NOTCH3: variants seen among roughly 807,000 people sequenced by gnomAD.
NOTCH3 encodes the protein notch receptor 3, also known as neurogenic locus notch homolog protein 3.
Under a neutral mutation model 213.3 loss-of-function variants are expected in NOTCH3, and 86 were observed. The observed-to-expected ratio is 0.40, with a 90% CI of 0.34 to 0.48. The LOEUF (loss-of-function observed/expected upper bound fraction) is 0.48. Ranked by LOEUF, NOTCH3 falls within the 20% of genes least tolerant of loss-of-function variation. NOTCH3 has a pLI of 0.57. For missense variants in NOTCH3, 2,783 were observed against 3,272.6 expected, an observed-to-expected ratio of 0.85 and a Z score of 3.65; for synonymous variants, 1,354 against 1,355.9, an observed-to-expected ratio of 1.00 and a Z score of 0.03.
Position 15,189,357 on chromosome 19 carries a change from G to T in NOTCH3, c.1108C>A (p.Pro370Thr). 6.2e-7 allele frequency: 1 copy of T among 1,614,014 alleles called. No individual in the cohort carries two copies. Among genetic ancestry groups the T allele is most frequent in the Non-Finnish European group, 8.5e-7 (1 of 1,180,034 alleles). Residue 370 changes from proline (P) to threonine (T), a missense_variant, in exon 7 of 33, where the codon CCG (proline) becomes ACG (threonine). Pro to Thr is a conservative substitution (Grantham distance 38). Coordinates refer to ENST00000263388, the MANE Select transcript of NOTCH3 (RefSeq NM_000435.3). ...GTGCAAATGGCCCGGCCGTTCACCG[G>T]ATTTGTGTCACAGATAGCATCCTCG... is the stretch of plus-strand genomic sequence containing the variant. ...CHEDAICDTNPVNGRAICTCP... is the reference protein window; with the variant it reads ...CHEDAICDTNTVNGRAICTCP...
intron 23 of NOTCH3, 42 bp from the exon 24 acceptor site, chr19:15,178,132 G>T (rs966384821): frequency 8.1e-7 from 1 of 1,236,588 alleles, no homozygotes; most frequent in Non-Finnish European, 1.1e-6. Context: ...AAATGAGGGT[G>T]GGGAGTGGAG....
At position 15,161,240 on chromosome 19, in the gene NOTCH3, C is replaced by T. The variant is rs764478092; in HGVS notation, c.6388G>A (p.Ala2130Thr). Residue 2130 changes from alanine (A) to threonine (T), a missense_variant, in exon 33 of 33, where the codon GCC becomes ACC. Physicochemically the swap from Ala to Thr is moderately conservative, Grantham distance 58 (BLOSUM62 0). Around this residue, in one of 6 missense-constraint regions of NOTCH3, gnomAD observed 441 missense variants for 432.1 expected, o/e 1.02. Coordinates refer to ENST00000263388, the MANE Select transcript of NOTCH3 (RefSeq NM_000435.3). ...GCCAGAGACACTGCAGTGGCAGTGGCAGCTGCATAGGGCCCCTCAAGGGGG... is the reference window on the plus strand; with the variant it reads ...GCCAGAGACACTGCAGTGGCAGTGGTAGCTGCATAGGGCCCCTCAAGGGGG... The part of the protein sequence containing the change: ...GFPLEGPYAA[A>T]TATAVSLAQL... 1.3e-6 allele frequency: 2 copies of T among 1,548,994 alleles called. No homozygotes were observed. Among genetic ancestry groups the T allele is most frequent in the South Asian group, 2.4e-5 (2 of 84,430 alleles).
At position 15,161,168 on chromosome 19, in the gene NOTCH3, C is replaced by G; in HGVS notation, c.6460G>C (p.Gly2154Arg). ...GRAGLGRQPP[G>R]GCVLSLGLLN... Reference sequence around the variant, plus strand: ...AGGCCCAGGCTGAGTACACATCCTCCAGGGGGCTGGCGCCCTAGACCCGCC... The same window carrying G: ...AGGCCCAGGCTGAGTACACATCCTCGAGGGGGCTGGCGCCCTAGACCCGCC... Residue 2154 changes from glycine to arginine, a missense_variant, in exon 33 of 33, where the codon GGA becomes CGA. Around this residue, in one of 6 missense-constraint regions of NOTCH3, gnomAD observed 441 missense variants for 432.1 expected, o/e 1.02. Transcript: ENST00000263388. 1 of 1,539,332 alleles carries G rather than the reference C, an allele frequency of 6.5e-7. No homozygotes were observed. The highest frequency in any genetic ancestry group is 8.7e-7 in the Non-Finnish European group (1 of 1,148,732).
chr19:15,193,792 A>AAAAC (rs1568362688), intron 2 of NOTCH3, among the ~76,000 whole-genome samples: 6 of 138,214 alleles, frequency 4.3e-5, no homozygotes, highest in African/African-American at 1.6e-4. Flanking sequence ...AAAAACAAAA[A>AAAAC]AAACAAACAG....
At chr19:15,172,126 C>T (rs975425329) in intron 25 of NOTCH3, among the ~76,000 whole-genome samples, 2 of 152,090 alleles carry the variant, frequency 1.3e-5, no homozygotes, top group Admixed American at 6.5e-5. Context: ...GAACTCCCGA[C>T]CTCAGGTGAT....
In NOTCH3 at chr19:15,159,944, A is replaced by C; in HGVS notation, c.*718T>G. 1 of 230,552 alleles carries C rather than the reference A, an allele frequency of 4.3e-6. No individual in the cohort carries two copies. Among genetic ancestry groups the C allele is most frequent in the Non-Finnish European group, 8.6e-6 (1 of 116,012 alleles). The allele number at this position is 230,552 out of a possible 1,614,324, so 14.3% of individuals were successfully genotyped here. A position where few individuals can be genotyped will look rare whatever the true frequency, so the allele number is the denominator to read the frequency against. On this transcript the variant is annotated 3_prime_UTR_variant, in exon 33 of 33. Coordinates refer to ENST00000263388, the MANE Select transcript of NOTCH3 (RefSeq NM_000435.3). Reference sequence around the variant, plus strand: ...AGATGGCCAAGGGTGGGGCTGGGGCAGAGGGAGTTGGCAGTGGGCCCTTCC... The same window carrying C: ...AGATGGCCAAGGGTGGGGCTGGGGCCGAGGGAGTTGGCAGTGGGCCCTTCC...
In NOTCH3 at chr19:15,181,169, C is replaced by G. The variant is rs1555728020; in HGVS notation, c.2793-7G>C. ...CCCGCCATTGAAGCAGGAGCTGGAG[C>G]GGAAGGAGTGGGAGGGAGGATCAGG... is the stretch of plus-strand genomic sequence containing the variant. On this transcript the variant is annotated splice_region_variant and splice_polypyrimidine_tract_variant and intron_variant, in intron 17 of 32. Coordinates refer to ENST00000263388, the MANE Select transcript of NOTCH3 (RefSeq NM_000435.3). 4 of 1,609,808 alleles carry G rather than the reference C, an allele frequency of 2.5e-6. No individual in the cohort carries two copies. The South Asian group carries it at 3.3e-5, about 13-fold the overall frequency.
At chr19:15,184,828 G>T in intron 15 of NOTCH3, 78 bp downstream of exon 15, 1 of 865,488 alleles carries the variant, frequency 1.2e-6, no homozygotes, top group Non-Finnish European at 1.9e-6. Context: ...GTCCCTCTCT[G>T]GATCCCCAGC....
intron 28 of NOTCH3, among the ~76,000 whole-genome samples, chr19:15,169,282 C>G (rs184823283): frequency 1.3e-3 from 192 of 152,042 alleles, no homozygotes; most frequent in Non-Finnish European, 2.0e-3. Context: ...GAGAAGGCGG[C>G]CATCTGCACA....
intron 24 of NOTCH3, among the ~76,000 whole-genome samples, chr19:15,176,976 G>A: frequency 6.6e-6 from 1 of 151,212 alleles, no homozygotes; most frequent in East Asian, 1.9e-4. Context: ...GAAGGCTGAG[G>A]CAGGAGAATC....
At chr19:15,180,921 A>G in intron 18 of NOTCH3, 40 bp downstream of exon 18, 1 of 1,583,978 alleles carries the variant, frequency 6.3e-7, no homozygotes, top group Non-Finnish European at 8.6e-7. Context: ...CTAGGATCCC[A>G]GGCAGGCTCC....
At chr19:15,167,562 A>ATTTT in intron 28 of NOTCH3, 151 bp from the exon 29 acceptor site, 1 of 706,018 alleles carries the variant, frequency 1.4e-6, no homozygotes, top group South Asian at 1.7e-5. Flanking sequence ...TTGGTGTTTT[A>ATTTT]TTTGTTTTTG....
chr19:15,178,775 A>G (rs1327111633), intron 23 of NOTCH3, 48 bp downstream of exon 23: 1 of 1,351,394 alleles, frequency 7.4e-7, no homozygotes, highest in East Asian at 2.4e-5. Flanking sequence ...CTACTACTCC[A>G]GAGGCCACGC....
At chr19:15,188,424 C>CCTT in intron 8 of NOTCH3, 76 bp from the exon 9 acceptor site, 1 of 905,986 alleles carries the variant, frequency 1.1e-6, no homozygotes, top group Non-Finnish European at 1.8e-6. Flanking sequence ...GGAGGTACTT[C>CCTT]CCTTCCTACT....
chr19:15,185,805 C>T lies in NOTCH3; in HGVS notation c.1952-126G>A, dbSNP rs2046877292. 1 of 914,868 alleles carries T rather than the reference C, an allele frequency of 1.1e-6. No homozygotes were observed. The highest frequency in any genetic ancestry group is 1.7e-6 in the Non-Finnish European group (1 of 578,852). The allele number at this position is 914,868 out of a possible 1,614,324, so 56.7% of individuals were successfully genotyped here. ...TGACCTCTTTTTCATAACGCATCAG[C>T]TCTTGTGCAGATTAGGACACCCGCC... On this transcript the variant is annotated intron_variant, in intron 12 of 32. Transcript: ENST00000263388. The surrounding 1 kb of genome is among the most constrained non-coding windows in gnomAD (Gnocchi z 4.2).
chr19:15,175,784 T>G (rs369844841), intron 24 of NOTCH3, among the ~76,000 whole-genome samples: 2 of 150,432 alleles, frequency 1.3e-5, no homozygotes, highest in African/African-American at 4.9e-5. Context: ...AGCCAGGCAG[T>G]AGGAACAGCT....
At position 15,159,606 on chromosome 19, in the gene NOTCH3, C is replaced by G. The variant is rs1481364645; in HGVS notation, c.*1056G>C. On this transcript the variant is annotated 3_prime_UTR_variant, in exon 33 of 33. Transcript: ENST00000263388. ...GAAGTCCCACTGCCACCACTCCCCA[C>G]CTTACCTAGACACAGACCAACAACA... The G allele has an allele frequency of 1.8e-5, 4 of 227,210 alleles. No homozygotes were observed. The highest frequency in any genetic ancestry group is 8.9e-5 in the African/African-American group (4 of 45,058). 14.1% of individuals were successfully genotyped at this position (227,210 alleles called of 1,614,324 possible). A position where few individuals can be genotyped will look rare whatever the true frequency, so the allele number is the denominator to read the frequency against.
At chr19:15,169,646 C>T (rs2046714583) in intron 28 of NOTCH3, among the ~76,000 whole-genome samples, 1 of 152,180 alleles carries the variant, frequency 6.6e-6, no homozygotes, top group African/African-American at 2.4e-5. Context: ...GCAGCCAAAG[C>T]TGACTCATAC....
intron 24 of NOTCH3, among the ~76,000 whole-genome samples, chr19:15,174,867 C>T (rs191926105): frequency 6.6e-6 from 1 of 152,258 alleles, no homozygotes; most frequent in Admixed American, 6.5e-5. Context: ...AGTCACCGCA[C>T]GCAGCCCTTG....
Sources: allele counts gnomAD v4.1 joint callset (sites outside exome capture counted in the v4.1 genomes callset), GRCh38; gene constraint gnomAD v4.1.1; regional missense constraint gnomAD v4.1.1; non-coding constraint Gnocchi (gnomAD v3.1); transcripts MANE v1.5; gene names NCBI Gene and HGNC (gene_info 2026-07-23, HGNC 2026-07-21).